The following EIF3I variants were observed in gnomAD, a reference collection of about 807,000 sequenced individuals.
EIF3I encodes the protein eukaryotic translation initiation factor 3 subunit I, also known as TGF-beta receptor-interacting protein 1.
Under a neutral mutation model 43.3 loss-of-function variants are expected in EIF3I, and 20 were observed. The observed-to-expected ratio is 0.46, with a 90% CI of 0.32 to 0.67. EIF3I has a LOEUF of 0.67. Among genes scored for constraint, EIF3I ranks in the 30% least tolerant of loss-of-function variants. The pLI is 0.03. For missense variants in EIF3I, 279 were observed against 421.4 expected (o/e 0.66, Z 2.96); for synonymous variants, 167 against 151.7 (o/e 1.10, Z -0.74).
In EIF3I at chr1:32,227,453, A is replaced by G. The variant is rs16834932; in HGVS notation, c.528+923A>G. 5.1e-3 allele frequency among the ~76,000 whole-genome samples: 781 copies of G among 152,090 alleles called. 6 individuals carry two copies. The highest frequency in any genetic ancestry group is 0.018 in the African/African-American group (748 of 41,454). ...TCAAATGATATCACATGTTTGAAAA[A>G]CTTGTCACAAAGTACTCAGGACATG... On this transcript the variant is annotated intron_variant, in intron 6 of 11. Transcript: ENST00000676679.
downstream of EIF3I, chr1:32,234,135 T>C (rs1419127042): frequency 6.6e-6 from 1 of 151,916 alleles, no homozygotes; most frequent in Non-Finnish European, 1.5e-5. Context: ...CCATCTATAC[T>C]AAAAGTATAA....
At chr1:32,230,735 A>T (rs976890422) in intron 10 of EIF3I, among the ~76,000 whole-genome samples, 192 bp from the exon 10 acceptor site, 3 of 152,096 alleles carry the variant, frequency 2.0e-5, no homozygotes, top group Non-Finnish European at 4.4e-5. Flanking sequence ...GAGGCAGGAG[A>T]ATTGCTTGAA....
In EIF3I at chr1:32,231,028, C is replaced by T. The variant is rs770226319; in HGVS notation, c.1007+9C>T. The T allele has an allele frequency of 1.1e-5, 18 of 1,613,494 alleles. No homozygotes were observed. The highest frequency in any genetic ancestry group is 1.4e-5 in the Non-Finnish European group (16 of 1,179,610). On this transcript the variant is annotated intron_variant, in intron 11 of 11. Transcript: ENST00000676679. Reference sequence around the variant, plus strand: ...CATCCTGATGGCAAGAGGTAGGGTACCAGTGAAGCAGCTGACCTAAGCCTG... The same window carrying T: ...CATCCTGATGGCAAGAGGTAGGGTATCAGTGAAGCAGCTGACCTAAGCCTG...
rs148207771 is a variant in EIF3I at position 32,223,094 on chromosome 1, A to G, written c.96+464A>G. ...TGGAAAGGGGATAAAGATGAGGGTC[A>G]GCTTGCCCAGAGAACGGGATGCGAC... On this transcript the variant is annotated intron_variant, in intron 2 of 11. Coordinates refer to ENST00000676679, the Ensembl canonical transcript of EIF3I. Among the ~76,000 whole-genome samples, 317 of 152,330 alleles carry G rather than the reference A, an allele frequency of 2.1e-3. 1 individual carries two copies. Among genetic ancestry groups the G allele is most frequent in the Non-Finnish European group, 3.6e-3 (243 of 68,030 alleles).
intron 10 of EIF3I, among the ~76,000 whole-genome samples, chr1:32,230,474 G>A (rs966829113): frequency 1.3e-5 from 2 of 151,022 alleles, no homozygotes; most frequent in South Asian, 2.1e-4. Context: ...CACCCGCCTC[G>A]GCCTCCCAAA....
chr1:32,222,616 G>C (rs1246404648), exon 2 of EIF3I: 2 of 1,614,180 alleles, frequency 1.2e-6, no homozygotes, highest in Non-Finnish European at 1.7e-6. Flanking sequence ...CCTCTTTACT[G>C]TGGCCAAGGA....
intron 4 of EIF3I, among the ~76,000 whole-genome samples, chr1:32,224,976 G>A (rs545262815): frequency 3.3e-4 from 51 of 152,286 alleles, no homozygotes; most frequent in Admixed American, 9.8e-4. Flanking sequence ...TGGGATTACA[G>A]ACATGCGCCA....
At chr1:32,223,296 TTTC>T (rs1236060629) in intron 2 of EIF3I, among the ~76,000 whole-genome samples, 8 of 152,122 alleles carry the variant, frequency 5.3e-5, no homozygotes, top group African/African-American at 1.9e-4. Flanking sequence ...TATTTTATTT[TTTC>T]TTGAGACGGA....
At position 32,224,522 on chromosome 1, in the gene EIF3I, G is replaced by GT. The variant is rs933401221; in HGVS notation, c.250+48dup. On this transcript the variant is annotated intron_variant, in intron 4 of 11. Transcript: ENST00000676679. ...TTTTAGCAAATATTGAGGACCTACA[G>GT]TGTACCTGTTTGAGTAAACAGGTCC... 3 of 1,461,278 alleles carry GT rather than the reference G, an allele frequency of 2.1e-6. No individual in the cohort carries two copies. The African/African-American group carries it at 4.2e-5, about 20-fold the overall frequency. 90.5% of individuals were successfully genotyped at this position (1,461,278 alleles called of 1,614,324 possible).
At position 32,229,072 on chromosome 1, in the gene EIF3I, C is replaced by T. The variant is rs182451914; in HGVS notation, c.730-63C>T. ...GAGATGTTAAAAATGTATATGGCAG[C>T]AGAAAAACACAAAATGGACTTGGTG... On this transcript the variant is annotated intron_variant, in intron 8 of 11. Transcript: ENST00000676679. 51 of 1,537,304 alleles carry T rather than the reference C, an allele frequency of 3.3e-5. No individual in the cohort carries two copies. In the East Asian group the frequency reaches 1.1e-3, roughly 33 times the overall value.
In EIF3I at chr1:32,223,956, G is replaced by A. The variant is rs890960888; in HGVS notation, c.97-78G>A. ...GGCAGAATCAGCCTTGCTACAGGCT[G>A]CTGAGGGTTCCTGGGGCAAAATAGG... On this transcript the variant is annotated intron_variant, in intron 2 of 11. Coordinates refer to ENST00000676679, the Ensembl canonical transcript of EIF3I. The A allele has an allele frequency of 1.5e-5, 20 of 1,307,622 alleles. 1 individual carries two copies. The highest frequency in any genetic ancestry group is 2.4e-5 in the South Asian group (2 of 84,552). 81.0% of individuals were successfully genotyped at this position (1,307,622 alleles called of 1,614,324 possible). A position where few individuals can be genotyped will look rare whatever the true frequency, so the allele number is the denominator to read the frequency against.
exon 9 of EIF3I, chr1:32,229,143 G>C (rs752493728): frequency 1.2e-5 from 20 of 1,613,864 alleles, no homozygotes; most frequent in Non-Finnish European, 1.7e-5. Context: ...AGGTGGTCCT[G>C]GGCGGTGGTC....
downstream of EIF3I, among the ~76,000 whole-genome samples, chr1:32,235,414 T>G (rs1639287678): frequency 6.6e-6 from 1 of 151,200 alleles, no homozygotes; most frequent in Non-Finnish European, 1.5e-5. Flanking sequence ...CACTGCAACC[T>G]CCGCCTCCCG....
At chr1:32,228,588 G>A (rs140684058) in exon 7 of EIF3I, 64 of 1,614,072 alleles carry the variant, frequency 4.0e-5, no homozygotes, top group Admixed American at 2.0e-4. Context: ...TTGTGACCGC[G>A]TCCAAGGACA....
At chr1:32,235,952 A>G (rs1639292846), downstream of EIF3I, among the ~76,000 whole-genome samples, 1 of 152,202 alleles carries the variant, frequency 6.6e-6, no homozygotes, top group African/African-American at 2.4e-5. Flanking sequence ...TCTGTTTAAA[A>G]GCCTTCAGTG....
rs199599715 is a variant in EIF3I at position 32,231,095 on chromosome 1, G to C, written c.1008-20G>C. Reference sequence around the variant, plus strand: ...TTCCCAGAGTAAGCACCTGACTGGTGCCTGGCTATCTTTTTCCAGCTACAG... The same window carrying C: ...TTCCCAGAGTAAGCACCTGACTGGTCCCTGGCTATCTTTTTCCAGCTACAG... On this transcript the variant is annotated intron_variant, in intron 11 of 11. Transcript: ENST00000676679. The C allele has an allele frequency of 2.7e-5, 44 of 1,614,130 alleles. No homozygotes were observed. Among genetic ancestry groups the C allele is most frequent in the South Asian group, 2.5e-4 (23 of 91,086 alleles).
At chr1:32,232,544 A>T (rs1200169449), downstream of EIF3I, among the ~76,000 whole-genome samples, 1 of 152,226 alleles carries the variant, frequency 6.6e-6, no homozygotes, top group East Asian at 1.9e-4. Flanking sequence ...AGCCAAAGAA[A>T]GAAGGCGGGA....
At chr1:32,230,833 AAATAAT>A (rs1356725152) in intron 10 of EIF3I, 88 bp from the exon 10 acceptor site, 38 of 909,080 alleles carry the variant, frequency 4.2e-5, no homozygotes, top group Non-Finnish European at 5.3e-5. Flanking sequence ...CAAAATAAAT[AAATAAT>A]AATAACAATT....
intron 4 of EIF3I, among the ~76,000 whole-genome samples, 186 bp downstream of exon 4, chr1:32,224,661 T>TC (rs1035379280): frequency 2.0e-5 from 3 of 151,190 alleles, no homozygotes; most frequent in African/African-American, 7.3e-5. Context: ...AAGTTTTCTT[T>TC]TTTTTTTTTT....
Sources: allele counts gnomAD v4.1 joint callset (sites outside exome capture counted in the v4.1 genomes callset), GRCh38; gene constraint gnomAD v4.1.1; transcripts MANE v1.5; gene names NCBI Gene and HGNC (gene_info 2026-07-23, HGNC 2026-07-21).